The following ADAM18 variants were observed in gnomAD, a reference collection of about 807,000 sequenced individuals.
The protein encoded by ADAM18 is disintegrin and metalloproteinase domain-containing protein 18.
ADAM18 carries 117 observed loss-of-function variants against 94.4 expected under a neutral mutation model. The observed-to-expected ratio is 1.24, with a 90% CI of 1.07 to 1.45. The LOEUF is 1.45. Among genes scored for constraint, ADAM18 ranks in the 40% most tolerant of loss-of-function variants. The pLI is 0.00. For missense variants in ADAM18, 936 were observed against 880.0 expected (o/e 1.06, Z -0.81); for synonymous variants, 327 against 291.6 (o/e 1.12, Z -1.24).
chr8:39,716,129 C>T (rs759334170), intron 18 of ADAM18, among the ~76,000 whole-genome samples: 6 of 151,320 alleles, frequency 4.0e-5, no homozygotes, highest in Non-Finnish European at 7.4e-5. Context: ...ATTTTGTTTG[C>T]CATTTTAAAA....
chr8:39,606,442 T>A, intron 3 of ADAM18, 80 bp downstream of exon 3: 1 of 899,780 alleles, frequency 1.1e-6, no homozygotes, highest in Non-Finnish European at 1.7e-6. Context: ...TTTTGTGCAG[T>A]ATTTAAATTC....
At chr8:39,682,086 G>T (rs913114561) in intron 16 of ADAM18, among the ~76,000 whole-genome samples, 1 of 152,172 alleles carries the variant, frequency 6.6e-6, no homozygotes, top group Non-Finnish European at 1.5e-5. Context: ...CAAAAGATTA[G>T]TCAAGATCAA....
chr8:39,592,445 T>A (rs1818596844), intron 2 of ADAM18, among the ~76,000 whole-genome samples: 1 of 152,120 alleles, frequency 6.6e-6, no homozygotes, highest in Non-Finnish European at 1.5e-5. Flanking sequence ...AATCTAAATG[T>A]CCACCAACAG....
intron 16 of ADAM18, among the ~76,000 whole-genome samples, chr8:39,682,783 T>C (rs1433730604): frequency 6.6e-6 from 1 of 152,226 alleles, no homozygotes; most frequent in African/African-American, 2.4e-5. Context: ...AGTATACCCA[T>C]GAACCTAATC....
intron 12 of ADAM18, among the ~76,000 whole-genome samples, chr8:39,656,411 G>T (rs78797922): frequency 2.0e-5 from 3 of 151,928 alleles, no homozygotes; most frequent in Non-Finnish European, 2.9e-5. Context: ...AAAAAATGAC[G>T]CTGGGACAAT....
intron 14 of ADAM18, among the ~76,000 whole-genome samples, chr8:39,676,945 C>T (rs999951344): frequency 2.0e-5 from 3 of 152,178 alleles, no homozygotes; most frequent in African/African-American, 7.2e-5. Context: ...TAAAATGTAA[C>T]ATTGGTCCAA....
intron 18 of ADAM18, among the ~76,000 whole-genome samples, chr8:39,719,532 G>T (rs961290104): frequency 6.6e-6 from 1 of 151,270 alleles, no homozygotes; most frequent in Non-Finnish European, 1.5e-5. Context: ...GCAAGCCACT[G>T]CCCCTTAACA....
chr8:39,665,025 T>A (rs949462720), intron 13 of ADAM18, among the ~76,000 whole-genome samples: 1 of 152,186 alleles, frequency 6.6e-6, no homozygotes, highest in African/African-American at 2.4e-5. Flanking sequence ...AGCTTATAAC[T>A]AGCATCATAA....
intron 17 of ADAM18, among the ~76,000 whole-genome samples, chr8:39,695,929 T>C (rs902984738): frequency 2.0e-5 from 3 of 151,528 alleles, no homozygotes; most frequent in Non-Finnish European, 3.0e-5. Context: ...TCTGGGTATA[T>C]GGCCAGAAGA....
intron 12 of ADAM18, among the ~76,000 whole-genome samples, chr8:39,650,320 T>A (rs979240830): frequency 6.6e-6 from 1 of 152,202 alleles, no homozygotes; most frequent in Non-Finnish European, 1.5e-5. Context: ...TATGCAATAC[T>A]AAGAAATAAA....
chr8:39,637,045 A>ATG (rs1563285262), intron 7 of ADAM18, among the ~76,000 whole-genome samples: 8 of 143,336 alleles, frequency 5.6e-5, no homozygotes, highest in African/African-American at 2.1e-4. Flanking sequence ...ATATATATAT[A>ATG]TATATATATA....
chr8:39,665,809 C>T (rs1820980487), intron 13 of ADAM18, among the ~76,000 whole-genome samples: 1 of 152,008 alleles, frequency 6.6e-6, no homozygotes, highest in African/African-American at 2.4e-5. Flanking sequence ...AGAACATGAT[C>T]ATATACCATA....
chr8:39,715,259 A>G (rs1437063183), intron 18 of ADAM18, among the ~76,000 whole-genome samples: 1 of 152,084 alleles, frequency 6.6e-6, no homozygotes, highest in Non-Finnish European at 1.5e-5. Flanking sequence ...GAGAAATTTT[A>G]AAATAATTTT....
chr8:39,668,328 GAA>G, intron 14 of ADAM18, 132 bp downstream of exon 14: 1 of 829,888 alleles, frequency 1.2e-6, no homozygotes, highest in Non-Finnish European at 1.8e-6. Context: ...TTTAGTTAAA[GAA>G]GAGTAGTTTT....
rs1435360711 is a variant in ADAM18, at chr8:39,730,005, G to A, written c.*65G>A. ...GAATGTGCTTTATTTATAACCTTAC[G>A]TTATCCCCAATGCATTGTAAATGTC... On this transcript the variant is annotated 3_prime_UTR_variant, in exon 20 of 20. Coordinates refer to ENST00000265707, the MANE Select transcript of ADAM18 (RefSeq NM_014237.3). The A allele has an allele frequency of 6.0e-6, 9 of 1,497,484 alleles. No homozygotes were observed. The East Asian group carries it at 9.0e-5, about 15-fold the overall frequency. 92.8% of individuals were successfully genotyped at this position (1,497,484 alleles called of 1,614,324 possible). A position where few individuals can be genotyped will look rare whatever the true frequency, so the allele number is the denominator to read the frequency against.
chr8:39,695,885 T>C (rs1821911009), intron 17 of ADAM18, among the ~76,000 whole-genome samples: 1 of 151,534 alleles, frequency 6.6e-6, no homozygotes, highest in Middle Eastern at 3.4e-3. Context: ...GGTATACAAG[T>C]ATCTGTTCAG....
At chr8:39,686,523 G>A (rs1192769194) in intron 16 of ADAM18, among the ~76,000 whole-genome samples, 2 of 152,054 alleles carry the variant, frequency 1.3e-5, no homozygotes, top group Non-Finnish European at 2.9e-5. Flanking sequence ...CGCCTTCTAC[G>A]GGATCCACTT....
chr8:39,603,217 G>A (rs1337168003), intron 2 of ADAM18, among the ~76,000 whole-genome samples: 1 of 151,910 alleles, frequency 6.6e-6, no homozygotes, highest in East Asian at 1.9e-4. Flanking sequence ...CCATTTTTCT[G>A]TGCGTCCATT....
At chr8:39,605,385 T>C (rs917204911) in intron 2 of ADAM18, among the ~76,000 whole-genome samples, 1 of 152,198 alleles carries the variant, frequency 6.6e-6, no homozygotes, top group Non-Finnish European at 1.5e-5. Context: ...TGATAGTTTA[T>C]AACTCTTGTC....
Sources: allele counts gnomAD v4.1 joint callset (sites outside exome capture counted in the v4.1 genomes callset), GRCh38; gene constraint gnomAD v4.1.1; transcripts MANE v1.5; gene names NCBI Gene and HGNC (gene_info 2026-07-23, HGNC 2026-07-21).